Variants in MSS51 observed in about 807,000 individuals in gnomAD.
MSS51 encodes the protein MSS51 mitochondrial translational activator, also known as putative protein MSS51 homolog, mitochondrial.
Under a neutral mutation model 40.2 loss-of-function variants are expected in MSS51, and 32 were observed. That is an observed-to-expected ratio of 0.80 (90% CI 0.60 to 1.07). MSS51 has a LOEUF of 1.07. Ranked by LOEUF, MSS51 falls within the 50% of genes least tolerant of loss-of-function variation. The probability of loss-of-function intolerance (pLI) is 0.00; values close to 1 mark genes in which losing one functional copy is unlikely to be tolerated. For synonymous variants in MSS51, 178 were observed against 214.2 expected (o/e 0.83, Z 1.48); for missense variants, 518 against 568.9 (o/e 0.91, Z 0.91).
intron 1 of MSS51, 45 bp from the exon 2 acceptor site, chr10:73,428,346 C>T (rs1241991085): frequency 2.8e-6 from 4 of 1,416,588 alleles, no homozygotes; most frequent in Non-Finnish European, 3.8e-6. Context: ...ATTTTACAAG[C>T]TGGACACTTG....
chr10:73,428,839 T>TTA (rs561158177), intron 1 of MSS51, among the ~76,000 whole-genome samples: 82 of 150,844 alleles, frequency 5.4e-4, no homozygotes, highest in South Asian at 1.9e-3. Flanking sequence ...GTCCTATACA[T>TTA]TATATATATA....
At position 73,424,450 on chromosome 10, in the gene MSS51, G is replaced by A. The variant is rs1272895200; in HGVS notation, c.*103C>T. 1 of 864,306 alleles carries A rather than the reference G, an allele frequency of 1.2e-6. No homozygotes were observed. Among genetic ancestry groups the A allele is most frequent in the Non-Finnish European group, 1.9e-6 (1 of 528,300 alleles). The allele number at this position is 864,306 out of a possible 1,614,324, so 53.5% of individuals were successfully genotyped here. On this transcript the variant is annotated 3_prime_UTR_variant, in exon 7 of 7. Transcript: ENST00000299432. ...TAGAATTTTTACCCAAACAGTAAAT[G>A]AGGTTTAGAATATAATGTTTTTCAA...
intron 3 of MSS51, 67 bp from the exon 4 acceptor site, chr10:73,426,798 C>A (rs2055992960): frequency 1.2e-5 from 18 of 1,557,528 alleles, no homozygotes; most frequent in Non-Finnish European, 1.5e-5. Context: ...AGGAAAGGAA[C>A]TGATATTCCT....
At chr10:73,428,647 G>A (rs1317732865) in intron 1 of MSS51, among the ~76,000 whole-genome samples, 1 of 151,700 alleles carries the variant, frequency 6.6e-6, no homozygotes, top group Admixed American at 6.6e-5. Context: ...CACCAGGCCC[G>A]GCTAATTTTT....
chr10:73,428,860 C>T (rs1406001778), intron 1 of MSS51, among the ~76,000 whole-genome samples: 3 of 151,120 alleles, frequency 2.0e-5, no homozygotes, highest in South Asian at 2.1e-4. Flanking sequence ...TATACACACA[C>T]ATATATATAT....
At chr10:73,429,994 G>T (rs1221052409) in intron 1 of MSS51, among the ~76,000 whole-genome samples, 5 of 152,064 alleles carry the variant, frequency 3.3e-5, no homozygotes, top group Admixed American at 3.3e-4. Context: ...CTTGAAAGAT[G>T]GGAATACTTT....
In MSS51 at chr10:73,425,967, C is replaced by T. The variant is rs2055983719; in HGVS notation, c.913G>A (p.Val305Ile). 1 of 1,613,952 alleles carries T rather than the reference C, an allele frequency of 6.2e-7. No individual in the cohort carries two copies. The highest frequency in any genetic ancestry group is 8.5e-7 in the Non-Finnish European group (1 of 1,179,966). Residue 305 changes from valine to isoleucine, a missense_variant, in exon 5 of 7, where the codon GTA (valine) becomes ATA (isoleucine). Physicochemically the swap from Val to Ile is conservative, Grantham distance 29. Coordinates refer to ENST00000299432, the MANE Select transcript of MSS51 (RefSeq NM_001024593.2). ...GTGCTCTGTGAAAAGCCAGTAGCTA[C>T]ATCTACACCCACCATGACCACACGG... is the stretch of plus-strand genomic sequence containing the variant. ...GLRVVMVGVD[V>I]ATGFSQSTST... is the part of the protein sequence containing the mutation.
At chr10:73,426,784 T>C in intron 3 of MSS51, 53 bp from the exon 4 acceptor site, 1 of 1,594,488 alleles carries the variant, frequency 6.3e-7, no homozygotes, top group Non-Finnish European at 8.6e-7. Flanking sequence ...ATTGGGGTTA[T>C]CGGAGGAAAG....
intron 5 of MSS51, among the ~76,000 whole-genome samples, chr10:73,425,403 G>A (rs995493633): frequency 2.0e-5 from 3 of 151,948 alleles, no homozygotes; most frequent in East Asian, 1.9e-4. Context: ...GGCTGGGCGC[G>A]GTGGCTCACG....
intron 3 of MSS51, 55 bp from the exon 4 acceptor site, chr10:73,426,786 G>A (rs1340614218): frequency 1.6e-5 from 25 of 1,587,834 alleles, no homozygotes; most frequent in Admixed American, 6.8e-5. Flanking sequence ...TGGGGTTATC[G>A]GAGGAAAGGA....
Position 73,424,355 on chromosome 10 carries a change from C to T in MSS51, c.*198G>A. The T allele has an allele frequency of 1.9e-6, 1 of 537,722 alleles. No individual in the cohort carries two copies. Among genetic ancestry groups the T allele is most frequent in the Non-Finnish European group, 3.3e-6 (1 of 298,854 alleles). The allele number at this position is 537,722 out of a possible 1,614,324, so 33.3% of individuals were successfully genotyped here. On this transcript the variant is annotated 3_prime_UTR_variant, in exon 7 of 7. Coordinates refer to ENST00000299432, the MANE Select transcript of MSS51 (RefSeq NM_001024593.2). Reference sequence around the variant, plus strand: ...TCATGCCGCTGCACTCCAGCCTGGGCAACAGAGCAAGACTCCATCTCAAAA... The same window carrying T: ...TCATGCCGCTGCACTCCAGCCTGGGTAACAGAGCAAGACTCCATCTCAAAA...
intron 2 of MSS51, 129 bp from the exon 3 acceptor site, chr10:73,427,897 T>G: frequency 7.9e-7 from 1 of 1,261,296 alleles, no homozygotes; most frequent in East Asian, 2.5e-5. Context: ...CATTTTTCAC[T>G]TAAGTGAATG....
In MSS51 at chr10:73,426,119, C is replaced by T. The variant is rs139201725; in HGVS notation, c.761G>A (p.Gly254Glu). 7.4e-6 allele frequency: 12 copies of T among 1,614,086 alleles called. No individual in the cohort carries two copies. Among genetic ancestry groups the T allele is most frequent in the Non-Finnish European group, 1.0e-5 (12 of 1,180,042 alleles). The change falls in exon 5 of 7, where the codon GGG (glycine) becomes GAG (glutamate). Residue 254 changes from glycine to glutamate, a missense_variant. Gly to Glu is a moderately conservative substitution (Grantham distance 98). Transcript: ENST00000299432. ...LTLGLGLRAL[G>E]IDVRRTGGST... ...TCCCCCAGTCCTCCTAACATCTATC[C>T]CCAAGGCCCTAAGTCCTAGGCCTAG...
In MSS51 at chr10:73,426,126, C is replaced by T; in HGVS notation, c.754G>A (p.Ala252Thr). The T allele has an allele frequency of 1.2e-6, 2 of 1,614,206 alleles. No homozygotes were observed. Among genetic ancestry groups the T allele is most frequent in the Non-Finnish European group, 1.7e-6 (2 of 1,180,032 alleles). The change falls in exon 5 of 7, where the codon GCC (alanine) becomes ACC (threonine). Residue 252 changes from alanine to threonine, a missense_variant. Ala to Thr is a moderately conservative substitution (Grantham distance 58). Coordinates refer to ENST00000299432, the MANE Select transcript of MSS51 (RefSeq NM_001024593.2). ...RPLTLGLGLR[A>T]LGIDVRRTGG... ...GTCCTCCTAACATCTATCCCCAAGG[C>T]CCTAAGTCCTAGGCCTAGAGTCAAG...
At chr10:73,431,302 A>T (rs184137809) in intron 1 of MSS51, among the ~76,000 whole-genome samples, 183 of 152,356 alleles carry the variant, frequency 1.2e-3, no homozygotes, top group African/African-American at 4.3e-3. Flanking sequence ...CACTTCGATT[A>T]AAAAAGAAAG....
At chr10:73,429,137 C>T (rs1327254626) in intron 1 of MSS51, among the ~76,000 whole-genome samples, 2 of 151,780 alleles carry the variant, frequency 1.3e-5, no homozygotes, top group Admixed American at 6.6e-5. Context: ...ACCCAGGAGG[C>T]GGAGGTTGCG....
intron 4 of MSS51, 28 bp from the exon 5 acceptor site, chr10:73,426,405 C>A: frequency 1.9e-6 from 3 of 1,592,208 alleles, no homozygotes; most frequent in Non-Finnish European, 2.6e-6. Context: ...TAAGAAGTAA[C>A]CTAATGCTTT....
Position 73,425,966 on chromosome 10 carries a change from A to C in MSS51, c.914T>G (p.Val305Gly). The C allele has an allele frequency of 2.5e-6, 4 of 1,614,216 alleles. No homozygotes were observed. The highest frequency in any genetic ancestry group is 3.4e-6 in the Non-Finnish European group (4 of 1,180,050). The change falls in exon 5 of 7, where the codon GTA becomes GGA. Residue 305 changes from valine to glycine, a missense_variant. Val to Gly is a moderately radical substitution (Grantham distance 109). Transcript: ENST00000299432. ...GLRVVMVGVD[V>G]ATGFSQSTST... is the part of the protein sequence containing the mutation. ...GGTGCTCTGTGAAAAGCCAGTAGCT[A>C]CATCTACACCCACCATGACCACACG...
chr10:73,426,812 C>T lies in MSS51; in HGVS notation c.378-81G>A, dbSNP rs955775417. On this transcript the variant is annotated intron_variant, in intron 3 of 6. Coordinates refer to ENST00000299432, the MANE Select transcript of MSS51 (RefSeq NM_001024593.2). ...GAGGAAAGGAACTGATATTCCTGCA[C>T]CTAGGATGGTGAATGGGTAAGGAAG... 94 of 1,513,922 alleles carry T rather than the reference C, an allele frequency of 6.2e-5. No homozygotes were observed. The East Asian group carries it at 1.9e-3, about 30-fold the overall frequency. The allele number at this position is 1,513,922 out of a possible 1,614,324, so 93.8% of individuals were successfully genotyped here.
Sources: allele counts gnomAD v4.1 joint callset (sites outside exome capture counted in the v4.1 genomes callset), GRCh38; gene constraint gnomAD v4.1.1; transcripts MANE v1.5; gene names NCBI Gene and HGNC (gene_info 2026-07-23, HGNC 2026-07-21).